Variants in GSE1 observed in about 807,000 individuals in gnomAD.
The protein encoded by GSE1 is Gse1 coiled-coil protein.
Under a neutral mutation model 112.6 loss-of-function variants are expected in GSE1, and 32 were observed. The observed-to-expected ratio is 0.28, with a 90% CI of 0.21 to 0.38. The LOEUF is 0.38. Ranked by LOEUF, GSE1 falls within the 10% of genes least tolerant of loss-of-function variation. GSE1 has a pLI of 1.00. For missense variants in GSE1, 2,348 were observed against 1,699.2 expected (o/e 1.38, Z -6.71); for synonymous variants, 1,115 against 735.6 (o/e 1.52, Z -8.35).
chr16:85,501,769 G>C (rs2051376175), intron 2 of GSE1, among the ~76,000 whole-genome samples: 1 of 152,224 alleles, frequency 6.6e-6, no homozygotes, highest in African/African-American at 2.4e-5. Context: ...GCTCGGGTCA[G>C]GCTGCTGCCC....
chr16:85,304,608 GT>G lies in GSE1; in HGVS notation c.2284-52854del, dbSNP rs199866931. Among the ~76,000 whole-genome samples the G allele has an allele frequency of 2.9e-3, 380 of 132,146 alleles. 41 individuals are homozygous for G. The East Asian group carries it at 0.064, about 22-fold the overall frequency. 86.7% of individuals were successfully genotyped at this position (132,146 alleles called of 152,430 possible). On this transcript the variant is annotated intron_variant, in intron 1 of 2. Transcript: ENST00000637419. ...CAGCTGCCAAGCCGGGGGCGGGGGG[GT>G]GGGGCATCCCTTTTGCCTTGAGTCC... is the stretch of plus-strand genomic sequence containing the variant.
intron 1 of GSE1, among the ~76,000 whole-genome samples, chr16:85,187,430 G>C (rs554170650): frequency 1.3e-5 from 2 of 152,358 alleles, no homozygotes; most frequent in South Asian, 4.1e-4. Flanking sequence ...TGCTCTGGGG[G>C]AAGAGAGAGA....
At position 85,383,337 on chromosome 16, in the gene GSE1, G is replaced by A. The variant is rs150288119; in HGVS notation, c.2464+25694G>A. 2.1e-4 allele frequency among the ~76,000 whole-genome samples: 31 copies of A among 150,754 alleles called. No individual in the cohort carries two copies. In the East Asian group the frequency reaches 5.5e-3, roughly 27 times the overall value. ...ACACAGTCCTCAGCACACACACACCGTGACATACACCTGCACCCAATAGAC... is the reference window on the plus strand; with the variant it reads ...ACACAGTCCTCAGCACACACACACCATGACATACACCTGCACCCAATAGAC... On this transcript the variant is annotated intron_variant, in intron 2 of 2. Coordinates refer to the GSE1 transcript ENST00000637419.
intron 1 of GSE1, among the ~76,000 whole-genome samples, chr16:85,314,925 C>T (rs538044211): frequency 3.0e-4 from 46 of 152,322 alleles, no homozygotes; most frequent in African/African-American, 7.7e-4. Flanking sequence ...CACGGCCCTG[C>T]GTTTGCCATT....
At chr16:85,263,494 C>T (rs1907923444) in intron 1 of GSE1, among the ~76,000 whole-genome samples, 1 of 152,078 alleles carries the variant, frequency 6.6e-6, no homozygotes. Context: ...ATGGACTTGG[C>T]TCTTGCATTA....
chr16:85,630,950 G>A (rs1165796235), intron 1 of GSE1, among the ~76,000 whole-genome samples: 1 of 152,208 alleles, frequency 6.6e-6, no homozygotes, highest in Non-Finnish European at 1.5e-5. Context: ...TCATTGTGAG[G>A]CTGTCTTGAG....
chr16:85,644,912 A>T (rs1373958811), intron 2 of GSE1, among the ~76,000 whole-genome samples: 1 of 151,866 alleles, frequency 6.6e-6, no homozygotes, highest in Non-Finnish European at 1.5e-5. Flanking sequence ...TTCCCCAAAA[A>T]CTTAAAGTGA....
rs148561346 is a variant in GSE1, at chr16:85,228,640, G to A, written c.2283+56833G>A. Reference sequence around the variant, plus strand: ...TCCCTGCCTGCAGTGTATGCCTAACGGGTGCCGTTTTCCAGGCCCCACGAG... The same window carrying A: ...TCCCTGCCTGCAGTGTATGCCTAACAGGTGCCGTTTTCCAGGCCCCACGAG... On this transcript the variant is annotated intron_variant, in intron 1 of 2. Coordinates refer to the GSE1 transcript ENST00000637419. Among the ~76,000 whole-genome samples, 27 of 152,306 alleles carry A rather than the reference G, an allele frequency of 1.8e-4. 1 individual carries two copies. The East Asian group carries it at 2.3e-3, about 13-fold the overall frequency.
chr16:85,286,185 G>C (rs374453202), intron 1 of GSE1, among the ~76,000 whole-genome samples: 1 of 152,248 alleles, frequency 6.6e-6, no homozygotes, highest in Non-Finnish European at 1.5e-5. Flanking sequence ...AAAGGGCCCC[G>C]TGCTCCGAGC....
intron 1 of GSE1, among the ~76,000 whole-genome samples, chr16:85,326,881 G>A (rs1317398869): frequency 6.6e-6 from 1 of 152,234 alleles, no homozygotes; most frequent in African/African-American, 2.4e-5. Context: ...TCTTCCGGTT[G>A]TCTATTACCC....
At chr16:85,661,088 C>G in intron 8 of GSE1, 58 bp from the exon 9 acceptor site, 1 of 1,487,430 alleles carries the variant, frequency 6.7e-7, no homozygotes. Context: ...GCCAGGGAAG[C>G]CTGTGGATGA....
Position 85,201,779 on chromosome 16 carries a change from T to C in GSE1, c.2283+29972T>C, listed in dbSNP as rs999733640. 5.9e-5 allele frequency among the ~76,000 whole-genome samples: 9 copies of C among 152,324 alleles called. No homozygotes were observed. The South Asian group carries it at 1.9e-3, about 32-fold the overall frequency. The stretch of plus-strand genomic sequence containing the variant: ...TTCACTTTTCTCTACGTGTTGGAGA[T>C]GTGAGACAAAGCCGCGTAGCCTTTT... On this transcript the variant is annotated intron_variant, in intron 1 of 2. Transcript: ENST00000637419.
chr16:85,483,491 C>T (rs951658338), intron 2 of GSE1, among the ~76,000 whole-genome samples: 6 of 152,250 alleles, frequency 3.9e-5, no homozygotes, highest in Admixed American at 2.6e-4. Flanking sequence ...CGTGGCCCAG[C>T]GCAGCCCAGC....
chr16:85,235,286 C>G (rs1904477843), intron 1 of GSE1, among the ~76,000 whole-genome samples: 1 of 151,738 alleles, frequency 6.6e-6, no homozygotes, highest in Admixed American at 6.6e-5. Context: ...GTGGGCTGGC[C>G]TCTTCCCCCA....
intron 2 of GSE1, among the ~76,000 whole-genome samples, chr16:85,642,889 C>T (rs2151828972): frequency 6.6e-6 from 1 of 152,258 alleles, no homozygotes; most frequent in African/African-American, 2.4e-5. Context: ...GGGCCTGTGG[C>T]TTTGGGGCCT....
At chr16:85,214,594 G>C (rs914463551) in intron 1 of GSE1, among the ~76,000 whole-genome samples, 1 of 152,130 alleles carries the variant, frequency 6.6e-6, no homozygotes, top group Non-Finnish European at 1.5e-5. Context: ...ATGACTTTCT[G>C]AGGTTTTAAG....
intron 2 of GSE1, among the ~76,000 whole-genome samples, chr16:85,502,427 A>C (rs966105986): frequency 6.6e-6 from 1 of 152,138 alleles, no homozygotes; most frequent in East Asian, 1.9e-4. Context: ...GACTCCTCCC[A>C]TTTTACCAAT....
At chr16:85,423,320 A>G (rs1376646761) in intron 2 of GSE1, among the ~76,000 whole-genome samples, 7 of 152,156 alleles carry the variant, frequency 4.6e-5, no homozygotes, top group Admixed American at 1.3e-4. Flanking sequence ...GAGATGTCCA[A>G]TGGCCTCACC....
At position 85,294,623 on chromosome 16, in the gene GSE1, C is replaced by G. The variant is rs933020862; in HGVS notation, c.2284-62840C>G. 1.7e-4 allele frequency among the ~76,000 whole-genome samples: 7 copies of G among 41,620 alleles called. No homozygotes were observed. The East Asian group carries it at 3.3e-3, about 20-fold the overall frequency. The allele number at this position is 41,620 out of a possible 152,430, so 27.3% of individuals were successfully genotyped here. ...CTTGCCAGCACGCCTCTCACTCTCTCTCTCTCTCTCTCTCTCTCTCTCTCT... is the reference window on the plus strand; with the variant it reads ...CTTGCCAGCACGCCTCTCACTCTCTGTCTCTCTCTCTCTCTCTCTCTCTCT... On this transcript the variant is annotated intron_variant, in intron 1 of 2. Transcript: ENST00000637419.
Sources: gnomAD v4.1 joint callset for allele counts (sites outside exome capture counted in the v4.1 genomes callset) on GRCh38, gnomAD v4.1.1 for gene constraint, MANE v1.5 for transcripts, NCBI Gene and HGNC (gene_info 2026-07-23, HGNC 2026-07-21) for gene names.